The following FOXJ3 variants were observed in gnomAD, a reference collection of about 807,000 sequenced individuals.
FOXJ3 encodes forkhead box protein J3.
A neutral mutation model predicts 76.1 loss-of-function variants in FOXJ3; 22 were observed. That is an observed-to-expected ratio of 0.29 (90% CI 0.21 to 0.41). The LOEUF is 0.41. FOXJ3 is among the 10% of genes least tolerant of loss of function. The pLI is 1.00. For synonymous variants in FOXJ3, 269 were observed against 261.2 expected, an observed-to-expected ratio of 1.03 and a Z score of -0.29; for missense variants, 613 against 762.1, an observed-to-expected ratio of 0.80 and a Z score of 2.30.
intron 4 of FOXJ3, among the ~76,000 whole-genome samples, chr1:42,252,178 G>A (rs1213711650): frequency 6.6e-6 from 1 of 152,222 alleles, no homozygotes; most frequent in Non-Finnish European, 1.5e-5. Flanking sequence ...CTATTGATTG[G>A]AATAGTTTCA....
intron 4 of FOXJ3, among the ~76,000 whole-genome samples, chr1:42,229,464 G>C (rs1647880557): frequency 6.6e-6 from 1 of 152,188 alleles, no homozygotes; most frequent in Non-Finnish European, 1.5e-5. Flanking sequence ...AGTGTACAGG[G>C]TACTACTATG....
chr1:42,211,394 G>T (rs994321244), intron 5 of FOXJ3, among the ~76,000 whole-genome samples: 1 of 152,006 alleles, frequency 6.6e-6, no homozygotes, highest in Non-Finnish European at 1.5e-5. Flanking sequence ...ATCTGGTCAG[G>T]AGTGTGACTG....
chr1:42,244,617 T>TA (rs1649396424), intron 4 of FOXJ3, among the ~76,000 whole-genome samples: 1 of 148,798 alleles, frequency 6.7e-6, no homozygotes, highest in Non-Finnish European at 1.5e-5. Context: ...TTGAAAACAT[T>TA]AAGAAAAATC....
intron 1 of FOXJ3, among the ~76,000 whole-genome samples, chr1:42,316,571 G>A (rs987276438): frequency 1.3e-5 from 2 of 151,968 alleles, no homozygotes; most frequent in African/African-American, 4.8e-5. Flanking sequence ...TGTAGCTGAA[G>A]ACTCAAGACT....
At chr1:42,211,208 AT>A (rs1361612568) in intron 5 of FOXJ3, among the ~76,000 whole-genome samples, 2 of 152,072 alleles carry the variant, frequency 1.3e-5, no homozygotes, top group Non-Finnish European at 2.9e-5. Flanking sequence ...GGAGCTTGGC[AT>A]GGGTGCATCT....
chr1:42,267,097 C>T (rs1478084588), intron 3 of FOXJ3, among the ~76,000 whole-genome samples: 1 of 152,088 alleles, frequency 6.6e-6, no homozygotes, highest in Non-Finnish European at 1.5e-5. Flanking sequence ...ACTACAGATA[C>T]ACAAGACTAG....
intron 4 of FOXJ3, among the ~76,000 whole-genome samples, chr1:42,249,062 TC>T (rs1267413101): frequency 1.3e-5 from 2 of 152,132 alleles, no homozygotes; most frequent in Non-Finnish European, 2.9e-5. Context: ...TTCATCCATG[TC>T]CCTGCAAAGG....
chr1:42,327,317 G>GT (rs1167593373), intron 1 of FOXJ3, among the ~76,000 whole-genome samples: 1 of 152,142 alleles, frequency 6.6e-6, no homozygotes, highest in Middle Eastern at 3.2e-3. Flanking sequence ...GAGACGCCAT[G>GT]TATCATTCAC....
At chr1:42,293,488 CTA>C (rs1008420439) in intron 2 of FOXJ3, among the ~76,000 whole-genome samples, 2 of 151,988 alleles carry the variant, frequency 1.3e-5, no homozygotes, top group African/African-American at 2.4e-5. Flanking sequence ...ACTAAAATGT[CTA>C]AAAAAAATCT....
intron 2 of FOXJ3, among the ~76,000 whole-genome samples, chr1:42,293,496 A>C (rs1266873728): frequency 6.6e-6 from 1 of 152,212 alleles, no homozygotes; most frequent in Non-Finnish European, 1.5e-5. Flanking sequence ...GTCTAAAAAA[A>C]ATCTGAAAAG....
intron 2 of FOXJ3, among the ~76,000 whole-genome samples, chr1:42,293,452 AAAC>A (rs1461704450): frequency 6.6e-5 from 10 of 152,156 alleles, no homozygotes; most frequent in Admixed American, 1.3e-4. Context: ...TGCAAACTTA[AAAC>A]AACAAGATAC....
intron 2 of FOXJ3, among the ~76,000 whole-genome samples, chr1:42,287,892 G>C (rs749608248): frequency 6.6e-6 from 1 of 152,058 alleles, no homozygotes; most frequent in Non-Finnish European, 1.5e-5. Flanking sequence ...CTGAGCCCAG[G>C]GAAGTCGAGA....
intron 5 of FOXJ3, among the ~76,000 whole-genome samples, chr1:42,225,540 T>C (rs1395182565): frequency 6.6e-6 from 1 of 152,236 alleles, no homozygotes; most frequent in Non-Finnish European, 1.5e-5. Flanking sequence ...CCCCTAATTA[T>C]ATGCCCTTTG....
chr1:42,282,232 A>C (rs1237919161), intron 2 of FOXJ3, among the ~76,000 whole-genome samples: 3 of 152,026 alleles, frequency 2.0e-5, no homozygotes, highest in Admixed American at 2.0e-4. Flanking sequence ...TCATTACCTC[A>C]CCTCATTCCA....
intron 5 of FOXJ3, among the ~76,000 whole-genome samples, chr1:42,224,352 TATA>T (rs1048648558): frequency 2.0e-5 from 3 of 152,138 alleles, no homozygotes; most frequent in Admixed American, 6.5e-5. Context: ...AAAGAAGAAA[TATA>T]ATAATAACAG....
At chr1:42,307,161 T>G (rs888412021) in intron 2 of FOXJ3, among the ~76,000 whole-genome samples, 2 of 152,230 alleles carry the variant, frequency 1.3e-5, no homozygotes, top group African/African-American at 2.4e-5. Flanking sequence ...TTCAGCCCTA[T>G]AGCAGCAGGT....
At chr1:42,210,309 T>C (rs780963132) in intron 5 of FOXJ3, among the ~76,000 whole-genome samples, 1 of 152,114 alleles carries the variant, frequency 6.6e-6, no homozygotes, top group Non-Finnish European at 1.5e-5. Flanking sequence ...GCTTTGTCCC[T>C]TCACTCGCCC....
intron 4 of FOXJ3, among the ~76,000 whole-genome samples, chr1:42,253,268 AC>A (rs1650258055): frequency 6.7e-6 from 1 of 149,702 alleles, no homozygotes; most frequent in Non-Finnish European, 1.5e-5. Context: ...GATGTGAAGG[AC>A]CTCTTCAAGG....
At chr1:42,208,944 T>C (rs1017075339) in intron 5 of FOXJ3, among the ~76,000 whole-genome samples, 1 of 152,230 alleles carries the variant, frequency 6.6e-6, no homozygotes, top group African/African-American at 2.4e-5. Flanking sequence ...GAATACTATA[T>C]TGAAGGTGAA....
Sources: gnomAD v4.1 joint callset for allele counts (sites outside exome capture counted in the v4.1 genomes callset) on GRCh38, gnomAD v4.1.1 for gene constraint, MANE v1.5 for transcripts, NCBI Gene and HGNC (gene_info 2026-07-23, HGNC 2026-07-21) for gene names.